Variants in RAPGEF4 observed in about 807,000 individuals in gnomAD.
RAPGEF4 encodes the protein Rap guanine nucleotide exchange factor 4, also known as RAP guanine-nucleotide-exchange factor (GEF) 4.
Under a neutral mutation model 147.9 loss-of-function variants are expected in RAPGEF4, and 66 were observed. The observed-to-expected ratio is 0.45, with a 90% CI of 0.37 to 0.55. The LOEUF is 0.55. Ranked by LOEUF, RAPGEF4 falls within the 20% of genes least tolerant of loss-of-function variation. The pLI, the probability that RAPGEF4 is intolerant of heterozygous loss-of-function variation, is 0.00. For synonymous variants in RAPGEF4, 419 were observed against 442.7 expected (o/e 0.95, Z 0.67); for missense variants, 1,071 against 1,257.3 (o/e 0.85, Z 2.24).
At chr2:172,735,837 G>A, upstream of RAPGEF4, 1 of 528,240 alleles carries the variant, frequency 1.9e-6, no homozygotes, top group Non-Finnish European at 2.7e-6. Flanking sequence ...GGAGCCCGCG[G>A]GGAGGGCGGG....
intron 5 of RAPGEF4, among the ~76,000 whole-genome samples, chr2:172,920,267 C>T (rs772828960): frequency 2.0e-5 from 3 of 152,038 alleles, no homozygotes; most frequent in African/African-American, 4.8e-5. Flanking sequence ...CACATATACA[C>T]GTCACTCCAA....
chr2:173,020,859 C>T (rs1031011975), intron 23 of RAPGEF4, 144 bp downstream of exon 23: 3 of 608,612 alleles, frequency 4.9e-6, no homozygotes, highest in African/African-American at 1.9e-5. Context: ...ATTAGGTAAG[C>T]CTCAGGTGTT....
chr2:172,795,847 G>T (rs890154461), intron 2 of RAPGEF4, among the ~76,000 whole-genome samples: 2 of 152,086 alleles, frequency 1.3e-5, no homozygotes, highest in Admixed American at 1.3e-4. Flanking sequence ...TGTATTTTTT[G>T]TTTTTGTATG....
chr2:172,976,552 G>C (rs1250914426), intron 10 of RAPGEF4, among the ~76,000 whole-genome samples: 3 of 152,156 alleles, frequency 2.0e-5, no homozygotes, highest in Non-Finnish European at 4.4e-5. Context: ...CAAAAAAATA[G>C]AGCATTTATT....
At chr2:173,017,605 G>T in intron 21 of RAPGEF4, 101 bp downstream of exon 21, 2 of 1,106,686 alleles carry the variant, frequency 1.8e-6, no homozygotes, top group East Asian at 2.5e-5. Flanking sequence ...TTTTGAAGAT[G>T]CCCTGTTGCC....
chr2:172,964,174 A>AGTAGGTG (rs1260900740), intron 8 of RAPGEF4, among the ~76,000 whole-genome samples: 1 of 152,196 alleles, frequency 6.6e-6, no homozygotes, highest in African/African-American at 2.4e-5. Context: ...ATGATTTATA[A>AGTAGGTG]GTAGGTGACT....
At chr2:172,750,325 A>T (rs1695158639) in intron 1 of RAPGEF4, among the ~76,000 whole-genome samples, 1 of 152,022 alleles carries the variant, frequency 6.6e-6, no homozygotes, top group African/African-American at 2.4e-5. Context: ...GTGGCTGGGG[A>T]GGCCTCACAA....
chr2:172,991,079 G>A (rs1380850270), intron 15 of RAPGEF4, among the ~76,000 whole-genome samples, 154 bp downstream of exon 15: 2 of 152,200 alleles, frequency 1.3e-5, no homozygotes, highest in Admixed American at 6.5e-5. Context: ...ATCTTGTGGA[G>A]TATAATGTAT....
chr2:172,784,848 G>A (rs535349459), intron 1 of RAPGEF4, among the ~76,000 whole-genome samples: 137 of 147,998 alleles, frequency 9.3e-4, no homozygotes, highest in Middle Eastern at 3.6e-3. Flanking sequence ...TTTTTGTGAC[G>A]GAGTTTTGCT....
intron 4 of RAPGEF4, among the ~76,000 whole-genome samples, chr2:172,835,948 TTGAG>T (rs1690877195): frequency 6.6e-6 from 1 of 152,166 alleles, no homozygotes; most frequent in Non-Finnish European, 1.5e-5. Flanking sequence ...GAGGGTGAGA[TTGAG>T]TATCATTCTT....
intron 2 of RAPGEF4, among the ~76,000 whole-genome samples, chr2:172,796,693 T>C (rs1270302509): frequency 6.6e-6 from 1 of 152,154 alleles, no homozygotes. Context: ...TCATTAATTA[T>C]GGTTCCCAGA....
At chr2:172,813,038 T>C (rs1028802578) in intron 3 of RAPGEF4, among the ~76,000 whole-genome samples, 4 of 152,246 alleles carry the variant, frequency 2.6e-5, no homozygotes, top group Non-Finnish European at 5.9e-5. Context: ...CTTTTATTCT[T>C]TTCTGAGATA....
intron 17 of RAPGEF4, among the ~76,000 whole-genome samples, chr2:173,003,260 C>A (rs997397558): frequency 1.3e-5 from 2 of 150,058 alleles, no homozygotes; most frequent in African/African-American, 5.0e-5. Flanking sequence ...CGTTCCATGC[C>A]CAGGTAGGGA....
intron 4 of RAPGEF4, among the ~76,000 whole-genome samples, chr2:172,892,867 A>G (rs906010122): frequency 4.6e-5 from 7 of 152,234 alleles, no homozygotes; most frequent in Non-Finnish European, 1.0e-4. Context: ...AGTTTTGGCC[A>G]GGCTAGCATG....
intron 4 of RAPGEF4, among the ~76,000 whole-genome samples, chr2:172,872,245 A>G (rs1040144261): frequency 1.3e-5 from 2 of 152,180 alleles, no homozygotes; most frequent in African/African-American, 2.4e-5. Context: ...AGCACTGGTT[A>G]ACAAAACTCT....
chr2:172,938,790 C>T (rs1686856340), intron 6 of RAPGEF4, among the ~76,000 whole-genome samples: 1 of 152,186 alleles, frequency 6.6e-6, no homozygotes, highest in Non-Finnish European at 1.5e-5. Flanking sequence ...CAGTATCATA[C>T]AGAATAGTTT....
intron 1 of RAPGEF4, among the ~76,000 whole-genome samples, chr2:172,739,018 A>G (rs1281442044): frequency 6.6e-6 from 1 of 152,222 alleles, no homozygotes; most frequent in Non-Finnish European, 1.5e-5. Context: ...CAAGTGTTGT[A>G]GATATGTAGA....
intron 4 of RAPGEF4, among the ~76,000 whole-genome samples, chr2:172,866,695 G>A (rs931236733): frequency 1.3e-5 from 2 of 151,944 alleles, no homozygotes; most frequent in East Asian, 1.9e-4. Flanking sequence ...CAGTCTGAGG[G>A]TGGGCCTGTT....
rs574835528 is a variant in RAPGEF4 at position 172,937,829 on chromosome 2, G to T, written c.537+15529G>T. The stretch of plus-strand genomic sequence containing the variant: ...TTTTTTATATCACTATGCACTCATG[G>T]ATATTTATTTTATACTTTGGGTTAT... On this transcript the variant is annotated intron_variant, in intron 6 of 30. Transcript: ENST00000397081. Among the ~76,000 whole-genome samples the T allele has an allele frequency of 5.1e-4, 77 of 152,176 alleles. No homozygotes were observed. In the Middle Eastern group the frequency reaches 0.01, roughly 20 times the overall value.
Sources: gnomAD v4.1 joint callset for allele counts (sites outside exome capture counted in the v4.1 genomes callset) on GRCh38, gnomAD v4.1.1 for gene constraint, MANE v1.5 for transcripts, NCBI Gene and HGNC (gene_info 2026-07-23, HGNC 2026-07-21) for gene names.